Variants in TGS1 observed in about 807,000 individuals in gnomAD.
TGS1 encodes the protein trimethylguanosine synthase 1, also known as trimethylguanosine synthase.
A neutral mutation model predicts 92.2 loss-of-function variants in TGS1; 69 were observed. That is an observed-to-expected ratio of 0.75 (90% CI 0.62 to 0.91). TGS1 has a LOEUF of 0.91. TGS1 is among the 40% of genes least tolerant of loss of function. The pLI, the probability that TGS1 is intolerant of heterozygous loss-of-function variation, is 0.00. For missense variants in TGS1, 1,062 were observed against 1,001.2 expected (o/e 1.06, Z -0.82); for synonymous variants, 345 against 338.1 (o/e 1.02, Z -0.22).
intron 1 of TGS1, among the ~76,000 whole-genome samples, chr8:55,774,104 C>T (rs904539966): frequency 6.6e-6 from 1 of 152,074 alleles, no homozygotes; most frequent in African/African-American, 2.4e-5. Context: ...TTTTTTTAAA[C>T]CTAAAAATCT....
At chr8:55,782,651 G>A in intron 1 of TGS1, 97 bp from the exon 2 acceptor site, 1 of 901,826 alleles carries the variant, frequency 1.1e-6, no homozygotes. Flanking sequence ...TGTTTCATAA[G>A]CTTTTTATTA....
intron 12 of TGS1, 119 bp downstream of exon 12, chr8:55,813,237 C>G (rs1422494350): frequency 4.4e-6 from 3 of 680,548 alleles, no homozygotes; most frequent in Non-Finnish European, 7.4e-6. Context: ...GACTCACTGA[C>G]TATTCTTAGA....
intron 6 of TGS1, among the ~76,000 whole-genome samples, chr8:55,794,245 G>A (rs550472868): frequency 2.0e-5 from 3 of 151,714 alleles, no homozygotes; most frequent in Non-Finnish European, 4.4e-5. Flanking sequence ...TCATGGAGAT[G>A]GGGTCTTGCT....
chr8:55,776,025 C>G (rs961954866), intron 1 of TGS1, among the ~76,000 whole-genome samples: 1 of 152,024 alleles, frequency 6.6e-6, no homozygotes, highest in Non-Finnish European at 1.5e-5. Flanking sequence ...CAGGAAGAAC[C>G]GCAGACAAAA....
At chr8:55,810,390 A>G (rs907987481) in intron 10 of TGS1, among the ~76,000 whole-genome samples, 2 of 152,182 alleles carry the variant, frequency 1.3e-5, no homozygotes, top group Non-Finnish European at 2.9e-5. Context: ...CTTCTTCATC[A>G]CTTGGCTACA....
intron 11 of TGS1, 37 bp downstream of exon 11, chr8:55,811,134 T>C (rs764812062): frequency 1.0e-5 from 15 of 1,464,082 alleles, no homozygotes; most frequent in Admixed American, 1.8e-5. Flanking sequence ...ACTGAAACAA[T>C]GATTGTGGAG....
Position 55,799,203 on chromosome 8 carries a change from G to A in TGS1, c.1832G>A (p.Arg611His), listed in dbSNP as rs765862127. ...DCVTQEVPDS[R>H]QAETEAEVKK... is the part of the protein sequence containing the mutation. ...GTTACTCAAGAAGTGCCAGACTCCC[G>A]CCAGGCAGAAACTGAAGGTAACACT... is the stretch of plus-strand genomic sequence containing the variant. Residue 611 changes from arginine (R) to histidine (H), a missense_variant, in exon 8 of 13, where the codon CGC becomes CAC. Arg to His is a conservative substitution (Grantham distance 29). Coordinates refer to ENST00000260129, the MANE Select transcript of TGS1 (RefSeq NM_024831.8). 1.1e-5 allele frequency: 17 copies of A among 1,609,210 alleles called. No homozygotes were observed. Among genetic ancestry groups the A allele is most frequent in the Admixed American group, 8.5e-5 (5 of 59,084 alleles).
At chr8:55,798,348 C>T (rs2130175925) in intron 7 of TGS1, among the ~76,000 whole-genome samples, 1 of 152,276 alleles carries the variant, frequency 6.6e-6, no homozygotes, top group Admixed American at 6.5e-5. Context: ...AAAGAACAAA[C>T]ATTTGCTGGG....
intron 12 of TGS1, among the ~76,000 whole-genome samples, chr8:55,823,198 G>T (rs1288020968): frequency 6.6e-6 from 1 of 152,140 alleles, no homozygotes; most frequent in South Asian, 2.1e-4. Flanking sequence ...TTTCTGAGAG[G>T]TTGGGTGAAG....
At chr8:55,793,707 A>AC (rs1415935211) in intron 6 of TGS1, among the ~76,000 whole-genome samples, 1 of 151,966 alleles carries the variant, frequency 6.6e-6, no homozygotes, top group African/African-American at 2.4e-5. Flanking sequence ...AGCTGGGACT[A>AC]CAGGCATGCA....
chr8:55,799,292 G>C (rs758409077), intron 8 of TGS1, 72 bp downstream of exon 8: 50 of 1,381,452 alleles, frequency 3.6e-5, no homozygotes, highest in Non-Finnish European at 4.6e-5. Flanking sequence ...TTTTTTCTTA[G>C]TTTTCACTTG....
At chr8:55,822,260 C>T (rs940449566) in intron 12 of TGS1, among the ~76,000 whole-genome samples, 25 of 151,988 alleles carry the variant, frequency 1.6e-4, no homozygotes, top group African/African-American at 4.6e-4. Flanking sequence ...TTAGTAGAGA[C>T]GGGGTTTTAC....
At chr8:55,792,836 A>G (rs1478702730) in intron 6 of TGS1, 52 bp downstream of exon 6, 2 of 1,166,606 alleles carry the variant, frequency 1.7e-6, no homozygotes, top group East Asian at 2.3e-5. Flanking sequence ...CACTTCAACT[A>G]TCTTAGAGCA....
Position 55,796,052 on chromosome 8 carries a change from A to G in TGS1, c.1442A>G (p.Tyr481Cys). ...LEKNVKLKSK[Y>C]LDMRRQIKMK... ...AAGAATGTGAAGCTTAAGTCTAAGTACCTAGACATGCGCAGACAAATAAAG... is the reference window on the plus strand; with the variant it reads ...AAGAATGTGAAGCTTAAGTCTAAGTGCCTAGACATGCGCAGACAAATAAAG... The change falls in exon 7 of 13, where the codon TAC (tyrosine) becomes TGC (cysteine). Residue 481 changes from tyrosine (Y) to cysteine (C), a missense_variant. Physicochemically the swap from Tyr to Cys is radical, Grantham distance 194. Transcript: ENST00000260129. 1 of 1,613,212 alleles carries G rather than the reference A, an allele frequency of 6.2e-7. No individual in the cohort carries two copies. Among genetic ancestry groups the G allele is most frequent in the Non-Finnish European group, 8.5e-7 (1 of 1,179,290 alleles).
Position 55,773,598 on chromosome 8 carries a change from A to C in TGS1, c.-21A>C. ...GCGCGACCCGGGCTGCGTACGTCAGAGCTGCCTCCGAAGTGGTAAAATGTG... is the reference window on the plus strand; with the variant it reads ...GCGCGACCCGGGCTGCGTACGTCAGCGCTGCCTCCGAAGTGGTAAAATGTG... On this transcript the variant is annotated 5_prime_UTR_variant, in exon 1 of 13. Coordinates refer to ENST00000260129, the MANE Select transcript of TGS1 (RefSeq NM_024831.8). 6.3e-7 allele frequency: 1 copy of C among 1,599,750 alleles called. No homozygotes were observed. Among genetic ancestry groups the C allele is most frequent in the Non-Finnish European group, 8.5e-7 (1 of 1,172,768 alleles).
At chr8:55,787,443 A>G (rs888642293) in intron 4 of TGS1, among the ~76,000 whole-genome samples, 14 of 152,230 alleles carry the variant, frequency 9.2e-5, no homozygotes, top group African/African-American at 3.1e-4. Context: ...TATGAGTCAT[A>G]TGTGGAATTC....
Position 55,802,918 on chromosome 8 carries a change from A to G in TGS1, c.1999+312A>G, listed in dbSNP as rs150079346. Among the ~76,000 whole-genome samples, 137 of 152,152 alleles carry G rather than the reference A, an allele frequency of 9.0e-4. 1 individual carries two copies. The East Asian group carries it at 0.024, about 27-fold the overall frequency. ...GTTCCAATATTTTAATCTACAGTTT[A>G]TACTCTAATTTCATTAATTGTCCTA... On this transcript the variant is annotated intron_variant, in intron 9 of 12. Transcript: ENST00000260129.
chr8:55,787,939 T>C (rs768940420), intron 4 of TGS1, among the ~76,000 whole-genome samples: 4 of 152,148 alleles, frequency 2.6e-5, no homozygotes, highest in African/African-American at 7.2e-5. Flanking sequence ...CAATCAGATA[T>C]TGCAGTAACT....
At chr8:55,777,538 TC>T (rs1217625783) in intron 1 of TGS1, among the ~76,000 whole-genome samples, 1 of 151,850 alleles carries the variant, frequency 6.6e-6, no homozygotes, top group Non-Finnish European at 1.5e-5. Flanking sequence ...ATTGCCATTA[TC>T]TTTTTTTTTT....
Sources: gnomAD v4.1 joint callset for allele counts (sites outside exome capture counted in the v4.1 genomes callset) on GRCh38, gnomAD v4.1.1 for gene constraint, MANE v1.5 for transcripts, NCBI Gene and HGNC (gene_info 2026-07-23, HGNC 2026-07-21) for gene names.